SSBP2: variants seen among roughly 807,000 people sequenced by gnomAD.
SSBP2 encodes single stranded DNA binding protein 2.
In SSBP2, 17 loss-of-function variants were observed where a neutral mutation model predicts 61.8. The ratio of observed to expected loss-of-function variants is 0.28; its 90% confidence interval spans 0.19 to 0.41. The LOEUF (loss-of-function observed/expected upper bound fraction) is 0.41, where lower values mean the gene tolerates loss of function less well. Ranked by LOEUF, SSBP2 falls within the 10% of genes least tolerant of loss-of-function variation. SSBP2 has a pLI of 1.00. For missense variants in SSBP2, 310 were observed against 458.7 expected, an observed-to-expected ratio of 0.68 and a Z score of 2.96; for synonymous variants, 139 against 141.3, an observed-to-expected ratio of 0.98 and a Z score of 0.12.
At chr5:81,731,771 T>C (rs1309480153) in intron 1 of SSBP2, among the ~76,000 whole-genome samples, 2 of 151,838 alleles carry the variant, frequency 1.3e-5, no homozygotes, top group Admixed American at 6.6e-5. Flanking sequence ...ATGTAAGATA[T>C]GATGGTGATA....
chr5:81,467,823 T>A (rs1267401415), intron 8 of SSBP2, among the ~76,000 whole-genome samples: 1 of 151,996 alleles, frequency 6.6e-6, no homozygotes, highest in African/African-American at 2.4e-5. Context: ...TCTTTTTCAA[T>A]TTCCTTTGCT....
At chr5:81,526,314 C>A (rs1025902102) in intron 4 of SSBP2, among the ~76,000 whole-genome samples, 2 of 151,910 alleles carry the variant, frequency 1.3e-5, no homozygotes, top group Non-Finnish European at 2.9e-5. Flanking sequence ...TTATCTAGAA[C>A]AAATTGTTTA....
chr5:81,415,018 T>C lies in SSBP2; in HGVS notation c.*5486A>G, dbSNP rs1345434520. 1 of 152,204 alleles carries C rather than the reference T, an allele frequency of 6.6e-6. No individual in the cohort carries two copies. The highest frequency in any genetic ancestry group is 1.9e-4 in the East Asian group (1 of 5,202). The allele number at this position is 152,204 out of a possible 1,614,324, so 9.4% of individuals were successfully genotyped here. The stretch of plus-strand genomic sequence containing the variant: ...CACCATTCTTTTACTTTTCTAGTTA[T>C]TTCTCAAGGTATGGTTCACAGACCC... On this transcript the variant is annotated 3_prime_UTR_variant, in exon 17 of 17. Transcript: ENST00000320672.
At chr5:81,569,882 A>T (rs557692350) in intron 4 of SSBP2, among the ~76,000 whole-genome samples, 1 of 152,294 alleles carries the variant, frequency 6.6e-6, no homozygotes, top group Admixed American at 6.5e-5. Context: ...TTACGGTAAT[A>T]ATCATGGTAG....
At chr5:81,486,047 A>AT (rs1362364467) in intron 6 of SSBP2, among the ~76,000 whole-genome samples, 1 of 152,190 alleles carries the variant, frequency 6.6e-6, no homozygotes, top group Non-Finnish European at 1.5e-5. Flanking sequence ...GTTTGAATTA[A>AT]TGAAGCTTAA....
chr5:81,678,878 AC>A (rs1482798542), intron 1 of SSBP2, among the ~76,000 whole-genome samples: 3 of 152,300 alleles, frequency 2.0e-5, no homozygotes, highest in Admixed American at 1.3e-4. Flanking sequence ...TTGCCAGCAG[AC>A]CTACTTTGAA....
intron 5 of SSBP2, among the ~76,000 whole-genome samples, chr5:81,508,902 T>G (rs1196617131): frequency 6.6e-6 from 1 of 152,214 alleles, no homozygotes; most frequent in East Asian, 1.9e-4. Context: ...TACTTTTACT[T>G]ATTCACTAAT....
intron 16 of SSBP2, among the ~76,000 whole-genome samples, chr5:81,425,793 G>A (rs888427719): frequency 2.0e-5 from 3 of 151,790 alleles, no homozygotes; most frequent in Non-Finnish European, 2.9e-5. Flanking sequence ...TGTTGGCACC[G>A]CAAGGTTTAT....
chr5:81,590,380 C>T (rs1344255431), intron 4 of SSBP2, among the ~76,000 whole-genome samples: 1 of 152,112 alleles, frequency 6.6e-6, no homozygotes, highest in Non-Finnish European at 1.5e-5. Context: ...TCAAGCTTAC[C>T]ACAACAACAA....
intron 4 of SSBP2, among the ~76,000 whole-genome samples, chr5:81,570,271 T>C (rs892385383): frequency 6.6e-6 from 1 of 152,330 alleles, no homozygotes; most frequent in South Asian, 2.1e-4. Context: ...AATGTTAATA[T>C]AATAATTGAT....
Position 81,541,860 on chromosome 5 carries a change from G to A in SSBP2, c.283-28143C>T, listed in dbSNP as rs140413588. ...AAACACCATTCTGGACTTCGTCCAT[G>A]GCAAAGAATTACGACTAAGTCCTCA... is the stretch of plus-strand genomic sequence containing the variant. On this transcript the variant is annotated intron_variant, in intron 4 of 16. Transcript: ENST00000320672. Among the ~76,000 whole-genome samples, 621 of 152,320 alleles carry A rather than the reference G, an allele frequency of 4.1e-3. 3 individuals carry two copies. The highest frequency in any genetic ancestry group is 0.014 in the African/African-American group (591 of 41,570).
At chr5:81,658,229 C>G (rs1246517719) in intron 1 of SSBP2, among the ~76,000 whole-genome samples, 1 of 152,104 alleles carries the variant, frequency 6.6e-6, no homozygotes, top group Non-Finnish European at 1.5e-5. Context: ...CTCCCTACTG[C>G]CAGCCCGATG....
intron 1 of SSBP2, among the ~76,000 whole-genome samples, chr5:81,707,455 G>A (rs1754473692): frequency 6.6e-6 from 1 of 152,116 alleles, no homozygotes; most frequent in African/African-American, 2.4e-5. Context: ...GTGACATGAA[G>A]AGACACAGGG....
In SSBP2 at chr5:81,509,740, AT is replaced by A. The variant is rs563897965; in HGVS notation, c.372+3887del. Among the ~76,000 whole-genome samples, 13 of 152,320 alleles carry A rather than the reference AT, an allele frequency of 8.5e-5. No homozygotes were observed. The South Asian group carries it at 2.7e-3, about 32-fold the overall frequency. Reference sequence around the variant, plus strand: ...TAAACAGAAATGACTTGTGTATCAAATTCAAATATATCTGAAAGTTTTTCAA... The same window carrying A: ...TAAACAGAAATGACTTGTGTATCAAATCAAATATATCTGAAAGTTTTTCAA... On this transcript the variant is annotated intron_variant, in intron 5 of 16. Coordinates refer to ENST00000320672, the MANE Select transcript of SSBP2 (RefSeq NM_012446.5).
At chr5:81,467,385 A>G (rs1172287333) in intron 8 of SSBP2, among the ~76,000 whole-genome samples, 1 of 152,020 alleles carries the variant, frequency 6.6e-6, no homozygotes, top group African/African-American at 2.4e-5. Flanking sequence ...TCCAAAATTC[A>G]ATTTTGAAAG....
At chr5:81,472,071 T>C (rs1460535814) in intron 8 of SSBP2, among the ~76,000 whole-genome samples, 3 of 152,158 alleles carry the variant, frequency 2.0e-5, no homozygotes, top group African/African-American at 2.4e-5. Context: ...AAAGTAGATA[T>C]ACAAAACAAG....
intron 5 of SSBP2, among the ~76,000 whole-genome samples, chr5:81,508,840 T>C (rs1469820310): frequency 6.6e-6 from 1 of 152,182 alleles, no homozygotes; most frequent in Non-Finnish European, 1.5e-5. Flanking sequence ...TAAGTAGAGC[T>C]CAGAAATACT....
intron 1 of SSBP2, among the ~76,000 whole-genome samples, chr5:81,675,890 T>A (rs1751936813): frequency 6.6e-6 from 1 of 152,152 alleles, no homozygotes. Flanking sequence ...ACCTAAAATA[T>A]CAACATTCCC....
chr5:81,653,430 T>C (rs1038047619), intron 1 of SSBP2, among the ~76,000 whole-genome samples: 7 of 152,220 alleles, frequency 4.6e-5, no homozygotes, highest in African/African-American at 1.4e-4. Context: ...GTCTTTTTAG[T>C]AGAATGATTC....
Sources: allele counts gnomAD v4.1 joint callset (sites outside exome capture counted in the v4.1 genomes callset), GRCh38; gene constraint gnomAD v4.1.1; transcripts MANE v1.5; gene names NCBI Gene and HGNC (gene_info 2026-07-23, HGNC 2026-07-21).